PHACTR3: variants seen among roughly 807,000 people sequenced by gnomAD.
The protein encoded by PHACTR3 is phosphatase and actin regulator 3.
A neutral mutation model predicts 66.8 loss-of-function variants in PHACTR3; 16 were observed. The observed-to-expected ratio is 0.24, with a 90% confidence interval of 0.16 to 0.36. The LOEUF is 0.36. Among genes scored for constraint, PHACTR3 ranks in the 10% least tolerant of loss-of-function variants. The pLI, the probability that PHACTR3 is intolerant of heterozygous loss-of-function variation, is 1.00. For missense variants in PHACTR3, 647 were observed against 719.9 expected, an observed-to-expected ratio of 0.90 and a Z score of 1.16; for synonymous variants, 323 against 292.1, an observed-to-expected ratio of 1.11 and a Z score of -1.08.
chr20:59,740,599 C>T (rs1384096354), intron 1 of PHACTR3, among the ~76,000 whole-genome samples: 1 of 152,204 alleles, frequency 6.6e-6, no homozygotes, highest in Admixed American at 6.5e-5. Flanking sequence ...ACTGGCCTTC[C>T]CAGAATTTAT....
At position 59,637,088 on chromosome 20, in the gene PHACTR3, G is replaced by A. The variant is rs1437951318; in HGVS notation, c.118+31956G>A. 2.6e-5 allele frequency among the ~76,000 whole-genome samples: 4 copies of A among 152,168 alleles called. No individual in the cohort carries two copies. In the South Asian group the frequency reaches 8.3e-4, roughly 32 times the overall value. On this transcript the variant is annotated intron_variant, in intron 1 of 12. Coordinates refer to ENST00000371015, the MANE Select transcript of PHACTR3 (RefSeq NM_080672.5). Reference sequence around the variant, plus strand: ...AACCTGCTCCTCAGGCTCCCTGTGGGGCTGTCTGCCCCAGCTTGCCACACC... The same window carrying A: ...AACCTGCTCCTCAGGCTCCCTGTGGAGCTGTCTGCCCCAGCTTGCCACACC...
At chr20:59,695,096 C>CA (rs1342241670) in intron 1 of PHACTR3, among the ~76,000 whole-genome samples, 1 of 152,104 alleles carries the variant, frequency 6.6e-6, no homozygotes, top group Non-Finnish European at 1.5e-5. Context: ...ACCCAGAGAG[C>CA]AATCTGGTTG....
chr20:59,739,604 A>G (rs1568765645), intron 1 of PHACTR3, among the ~76,000 whole-genome samples: 1 of 152,128 alleles, frequency 6.6e-6, no homozygotes, highest in Non-Finnish European at 1.5e-5. Flanking sequence ...AACTCACTCA[A>G]TATCATGCGG....
chr20:59,629,554 T>C (rs1401379899), intron 1 of PHACTR3, among the ~76,000 whole-genome samples: 1 of 152,206 alleles, frequency 6.6e-6, no homozygotes, highest in African/African-American at 2.4e-5. Flanking sequence ...CAGGACTCTC[T>C]CTGTGGCTGT....
chr20:59,744,232 C>T (rs781068248), intron 2 of PHACTR3, among the ~76,000 whole-genome samples: 3 of 152,258 alleles, frequency 2.0e-5, no homozygotes, highest in Non-Finnish European at 2.9e-5. Flanking sequence ...AAATCACTCA[C>T]CCAGGGTCAC....
intron 1 of PHACTR3, among the ~76,000 whole-genome samples, chr20:59,590,730 G>A (rs772509028): frequency 2.0e-5 from 3 of 152,176 alleles, no homozygotes; most frequent in Non-Finnish European, 4.4e-5. Flanking sequence ...ATTGCTCACT[G>A]TTCTGCAGCC....
intron 1 of PHACTR3, among the ~76,000 whole-genome samples, chr20:59,609,848 G>A (rs1429075120): frequency 6.6e-6 from 1 of 152,196 alleles, no homozygotes; most frequent in Admixed American, 6.5e-5. Context: ...CTTCTTCAGG[G>A]TTATTAAAAA....
At chr20:59,651,827 TGGTAGGTA>T (rs3042679) in intron 1 of PHACTR3, among the ~76,000 whole-genome samples, 21,208 of 147,678 alleles carry the variant, frequency 0.14, 1,693 homozygotes, top group East Asian at 0.23. Context: ...AGGATCTTTT[TGGTAGGTA>T]GGTAGGTAGG....
chr20:59,601,406 G>C (rs1241704492), upstream of PHACTR3, among the ~76,000 whole-genome samples: 2 of 152,152 alleles, frequency 1.3e-5, no homozygotes, highest in African/African-American at 4.8e-5. Context: ...TAATTTTTTG[G>C]CCATTATGAA....
intron 7 of PHACTR3, among the ~76,000 whole-genome samples, chr20:59,799,275 T>G (rs1174670237): frequency 1.3e-5 from 2 of 152,254 alleles, no homozygotes; most frequent in East Asian, 1.9e-4. Flanking sequence ...GTATAGTGCT[T>G]TATAAGTGTT....
At chr20:59,770,274 C>T (rs925793633) in intron 5 of PHACTR3, among the ~76,000 whole-genome samples, 31 of 152,228 alleles carry the variant, frequency 2.0e-4, no homozygotes, top group Admixed American at 2.0e-3. Flanking sequence ...AGGGTAGTTC[C>T]GAGCTATGGG....
chr20:59,673,950 C>T (rs2036282150), intron 1 of PHACTR3, among the ~76,000 whole-genome samples: 1 of 152,216 alleles, frequency 6.6e-6, no homozygotes, highest in Admixed American at 6.5e-5. Flanking sequence ...TCAGTGCAGG[C>T]CCTGGCAGAG....
At chr20:59,623,969 A>C (rs1052760901) in intron 1 of PHACTR3, among the ~76,000 whole-genome samples, 1 of 151,720 alleles carries the variant, frequency 6.6e-6, no homozygotes, top group Non-Finnish European at 1.5e-5. Flanking sequence ...TTGTGTAGAG[A>C]AGGTGTCCTG....
At position 59,770,869 on chromosome 20, in the gene PHACTR3, C is replaced by T. The variant is rs181124217; in HGVS notation, c.752-2410C>T. On this transcript the variant is annotated intron_variant, in intron 5 of 12. Coordinates refer to ENST00000371015, the MANE Select transcript of PHACTR3 (RefSeq NM_080672.5). The stretch of plus-strand genomic sequence containing the variant: ...TGCTGTCACCTGGTCCAGTTGGTAA[C>T]GCTCAACTCTGCGGGATGGGAGTCC... Among the ~76,000 whole-genome samples, 19 of 152,342 alleles carry T rather than the reference C, an allele frequency of 1.2e-4. No homozygotes were observed. The East Asian group carries it at 1.5e-3, about 12-fold the overall frequency.
At chr20:59,705,974 A>G (rs1322554183) in intron 1 of PHACTR3, among the ~76,000 whole-genome samples, 3 of 152,234 alleles carry the variant, frequency 2.0e-5, no homozygotes, top group African/African-American at 7.2e-5. Context: ...CTCAGAGGCC[A>G]GAGCTGAAGT....
chr20:59,836,634 A>G (rs2058972556), intron 9 of PHACTR3, 74 bp downstream of exon 9: 7 of 1,459,572 alleles, frequency 4.8e-6, no homozygotes, highest in Middle Eastern at 1.7e-4. Flanking sequence ...CTGAGTTCCC[A>G]TAACCCAGCC....
In PHACTR3 at chr20:59,615,604, A is replaced by G. The variant is rs1312607986; in HGVS notation, c.118+10472A>G. On this transcript the variant is annotated intron_variant, in intron 1 of 12. Coordinates refer to ENST00000371015, the MANE Select transcript of PHACTR3 (RefSeq NM_080672.5). ...AGACCTCCGTGGCCCTACAGCATTG[A>G]GCTTTCAGTCCTTGGGTTTCTGAAG... Among the ~76,000 whole-genome samples the G allele has an allele frequency of 2.0e-5, 3 of 152,188 alleles. No individual in the cohort carries two copies. The South Asian group carries it at 6.2e-4, about 32-fold the overall frequency.
chr20:59,777,193 A>C (rs1207218590), intron 7 of PHACTR3, among the ~76,000 whole-genome samples: 1 of 152,058 alleles, frequency 6.6e-6, no homozygotes, highest in African/African-American at 2.4e-5. Context: ...CCTTCATATG[A>C]GGATAGTAGT....
intron 1 of PHACTR3, among the ~76,000 whole-genome samples, chr20:59,579,384 T>C (rs1054982918): frequency 1.3e-5 from 2 of 152,226 alleles, no homozygotes; most frequent in Non-Finnish European, 2.9e-5. Context: ...CAAATGATTA[T>C]TCATCATTGA....
Sources: allele counts gnomAD v4.1 joint callset (sites outside exome capture counted in the v4.1 genomes callset), GRCh38; gene constraint gnomAD v4.1.1; transcripts MANE v1.5; gene names NCBI Gene and HGNC (gene_info 2026-07-23, HGNC 2026-07-21).